Variants in COMMD10 observed in about 807,000 individuals in gnomAD.
COMMD10 encodes COMM domain containing 10.
COMMD10 carries 33 observed loss-of-function variants against 28.9 expected under a neutral mutation model. The ratio of observed to expected loss-of-function variants is 1.14; its 90% confidence interval spans 0.87 to 1.53. COMMD10 has a LOEUF of 1.53. COMMD10 is among the 40% of genes most tolerant of loss of function. The pLI, the probability that COMMD10 is intolerant of heterozygous loss-of-function variation, is 0.00. For missense variants in COMMD10, 310 were observed against 233.4 expected (o/e 1.33, Z -2.14); for synonymous variants, 110 against 81.7 (o/e 1.35, Z -1.87).
At chr5:116,109,265 T>A (rs978104954) in intron 4 of COMMD10, among the ~76,000 whole-genome samples, 1 of 152,188 alleles carries the variant, frequency 6.6e-6, no homozygotes, top group Admixed American at 6.5e-5. Context: ...TTGTGAAGAT[T>A]GTGCATCTTG....
intron 5 of COMMD10, among the ~76,000 whole-genome samples, chr5:116,224,408 G>A (rs1421979945): frequency 1.3e-5 from 2 of 152,102 alleles, no homozygotes; most frequent in Admixed American, 6.5e-5. Flanking sequence ...ATTTACAAAG[G>A]AATGATATTT....
chr5:116,197,416 C>T lies in COMMD10; in HGVS notation c.510+63238C>T, dbSNP rs1748556011. Among the ~76,000 whole-genome samples, 4 of 152,092 alleles carry T rather than the reference C, an allele frequency of 2.6e-5. No individual in the cohort carries two copies. The South Asian group carries it at 8.3e-4, about 32-fold the overall frequency. ...TATTTTTTGGAGATATGATCTTGCC[C>T]TGTTGCCCAGGCTGGAATGCAGTGG... On this transcript the variant is annotated intron_variant, in intron 5 of 6. Coordinates refer to ENST00000274458, the MANE Select transcript of COMMD10 (RefSeq NM_016144.4).
rs191146336 is a variant in COMMD10, at chr5:116,268,647, C to T, written c.511-22870C>T. ...AATCATGCTGCTATAAAGACACACA[C>T]ATATGTTTATTGCGGCACTATTCAC... On this transcript the variant is annotated intron_variant, in intron 5 of 6. Transcript: ENST00000274458. Among the ~76,000 whole-genome samples the T allele has an allele frequency of 9.9e-5, 15 of 151,922 alleles. No homozygotes were observed. The East Asian group carries it at 2.9e-3, about 29-fold the overall frequency.
chr5:116,194,928 C>T (rs1490761743), intron 5 of COMMD10, among the ~76,000 whole-genome samples: 1 of 152,086 alleles, frequency 6.6e-6, no homozygotes, highest in African/African-American at 2.4e-5. Context: ...AAAATACTAG[C>T]TAACCAAATC....
At chr5:116,180,590 G>A (rs1343720824) in intron 5 of COMMD10, among the ~76,000 whole-genome samples, 4 of 151,746 alleles carry the variant, frequency 2.6e-5, no homozygotes, top group South Asian at 4.2e-4. Flanking sequence ...CATTCTAAAT[G>A]TTTAAGAAAT....
intron 5 of COMMD10, among the ~76,000 whole-genome samples, chr5:116,273,098 C>G (rs144290666): frequency 1.9e-3 from 293 of 151,938 alleles, no homozygotes; most frequent in Non-Finnish European, 3.6e-3. Context: ...TCTTGCTTCA[C>G]TTTTAGAAGA....
intron 5 of COMMD10, among the ~76,000 whole-genome samples, chr5:116,233,219 A>G (rs948723073): frequency 1.3e-5 from 2 of 152,136 alleles, no homozygotes; most frequent in Admixed American, 1.3e-4. Context: ...GTGAGAGAGA[A>G]AGACTACATT....
At chr5:116,258,725 C>A (rs1410922622) in intron 5 of COMMD10, among the ~76,000 whole-genome samples, 3 of 151,604 alleles carry the variant, frequency 2.0e-5, no homozygotes, top group African/African-American at 7.3e-5. Flanking sequence ...CGTCCTCTTT[C>A]TTTCTCTTTG....
At chr5:116,169,889 A>C (rs1753263246) in intron 5 of COMMD10, among the ~76,000 whole-genome samples, 1 of 152,156 alleles carries the variant, frequency 6.6e-6, no homozygotes, top group Admixed American at 6.5e-5. Flanking sequence ...ATCATACTGA[A>C]TGGGCAAAAG....
intron 5 of COMMD10, among the ~76,000 whole-genome samples, chr5:116,271,191 TTA>T (rs1409402057): frequency 7.1e-6 from 1 of 141,194 alleles, no homozygotes; most frequent in East Asian, 2.0e-4. Flanking sequence ...CAGGTTTTGT[TTA>T]TGTCAGTTTT....
At chr5:116,104,923 C>G (rs1750789700) in intron 4 of COMMD10, among the ~76,000 whole-genome samples, 1 of 152,162 alleles carries the variant, frequency 6.6e-6, no homozygotes, top group African/African-American at 2.4e-5. Context: ...CCAGCCTCCT[C>G]TTTTCCTAAT....
chr5:116,098,829 A>G (rs1055565530), intron 4 of COMMD10, among the ~76,000 whole-genome samples: 1 of 152,196 alleles, frequency 6.6e-6, no homozygotes, highest in African/African-American at 2.4e-5. Context: ...TTATCGAGGT[A>G]TAATTGATAA....
At chr5:116,268,766 C>T (rs1750675146) in intron 5 of COMMD10, among the ~76,000 whole-genome samples, 1 of 151,770 alleles carries the variant, frequency 6.6e-6, no homozygotes, top group African/African-American at 2.4e-5. Flanking sequence ...ACTGTGCAGC[C>T]ATAAAAAAGG....
At chr5:116,267,767 C>G (rs1216394121) in intron 5 of COMMD10, among the ~76,000 whole-genome samples, 1 of 151,822 alleles carries the variant, frequency 6.6e-6, no homozygotes, top group African/African-American at 2.4e-5. Context: ...CTCAATGGAA[C>G]AGAACAGAGT....
At chr5:116,101,838 AT>A (rs1750675712) in intron 4 of COMMD10, among the ~76,000 whole-genome samples, 1 of 152,132 alleles carries the variant, frequency 6.6e-6, no homozygotes, top group African/African-American at 2.4e-5. Flanking sequence ...TCTGTTGGCC[AT>A]TTTTATGTCT....
intron 5 of COMMD10, among the ~76,000 whole-genome samples, chr5:116,151,010 C>G (rs984515286): frequency 6.6e-6 from 1 of 151,362 alleles, no homozygotes; most frequent in African/African-American, 2.4e-5. Flanking sequence ...ATAGATAGCT[C>G]TTATTATTTT....
rs532221831 is a variant in COMMD10, at chr5:116,149,047, T to C, written c.510+14869T>C. Among the ~76,000 whole-genome samples the C allele has an allele frequency of 2.4e-3, 303 of 127,092 alleles. 2 individuals are homozygous for C. Among genetic ancestry groups the C allele is most frequent in the Non-Finnish European group, 2.7e-3 (172 of 63,292 alleles). The allele number at this position is 127,092 out of a possible 152,430, so 83.4% of individuals were successfully genotyped here. A position where few individuals can be genotyped will look rare whatever the true frequency, so the allele number is the denominator to read the frequency against. On this transcript the variant is annotated intron_variant, in intron 5 of 6. Coordinates refer to ENST00000274458, the MANE Select transcript of COMMD10 (RefSeq NM_016144.4). ...CCCCAGAGTGTGATATTCCCCTTCC[T>C]GTGTCCATGTGTTCTCATTGTTCAA...
intron 5 of COMMD10, among the ~76,000 whole-genome samples, chr5:116,214,807 T>C (rs1749056481): frequency 6.6e-6 from 1 of 152,268 alleles, no homozygotes; most frequent in East Asian, 1.9e-4. Context: ...CTGCAGTGAT[T>C]CTTCTTTTTA....
At position 116,242,904 on chromosome 5, in the gene COMMD10, T is replaced by C. The variant is rs188936200; in HGVS notation, c.511-48613T>C. ...AAAAGAAATGCATTTGAGATGGACCTTGACAAGCAGATAAAATCTTGATTT... is the reference window on the plus strand; with the variant it reads ...AAAAGAAATGCATTTGAGATGGACCCTGACAAGCAGATAAAATCTTGATTT... On this transcript the variant is annotated intron_variant, in intron 5 of 6. Coordinates refer to ENST00000274458, the MANE Select transcript of COMMD10 (RefSeq NM_016144.4). Among the ~76,000 whole-genome samples, 20 of 152,280 alleles carry C rather than the reference T, an allele frequency of 1.3e-4. No homozygotes were observed. In the East Asian group the frequency reaches 3.9e-3, roughly 29 times the overall value.
Sources: allele counts gnomAD v4.1 joint callset (sites outside exome capture counted in the v4.1 genomes callset), GRCh38; gene constraint gnomAD v4.1.1; transcripts MANE v1.5; gene names NCBI Gene and HGNC (gene_info 2026-07-23, HGNC 2026-07-21).